The following TNFAIP1 variants were observed in gnomAD, a reference collection of about 807,000 sequenced individuals.
TNFAIP1 encodes BTB/POZ domain-containing adapter for CUL3-mediated RhoA degradation protein 2.
Under a neutral mutation model 32.6 loss-of-function variants are expected in TNFAIP1, and 20 were observed. That is an observed-to-expected ratio of 0.61 (90% CI 0.43 to 0.89). The LOEUF (loss-of-function observed/expected upper bound fraction) is 0.89. Ranked by LOEUF, TNFAIP1 falls within the 40% of genes least tolerant of loss-of-function variation. The pLI is 0.00. For missense variants in TNFAIP1, 319 were observed against 425.1 expected (o/e 0.75, Z 2.20); for synonymous variants, 166 against 166.8 (o/e 1.00, Z 0.04).
intron 1 of TNFAIP1, among the ~76,000 whole-genome samples, chr17:28,338,071 A>C (rs1233375499): frequency 6.6e-6 from 1 of 152,160 alleles, no homozygotes; most frequent in Non-Finnish European, 1.5e-5. Flanking sequence ...ATATTTTTTC[A>C]TTGTTCCCTA....
At chr17:28,337,619 C>T (rs1385759568) in intron 1 of TNFAIP1, among the ~76,000 whole-genome samples, 1 of 152,114 alleles carries the variant, frequency 6.6e-6, no homozygotes, top group African/African-American at 2.4e-5. Context: ...CCACCCACTT[C>T]GGCCTCCTAA....
rs560413584 is a variant in TNFAIP1 at position 28,342,733 on chromosome 17, G to A, written c.714+291G>A. Reference sequence around the variant, plus strand: ...TGGCCCAATTCAGGTTTGAACGCTGGCTCACACCACTTGCCAGTTTTCTGA... The same window carrying A: ...TGGCCCAATTCAGGTTTGAACGCTGACTCACACCACTTGCCAGTTTTCTGA... On this transcript the variant is annotated intron_variant, in intron 6 of 6. Transcript: ENST00000226225. This position sits in a 1 kb window ranked among gnomAD's most constrained non-coding sequence, Gnocchi z 4.0. Among the ~76,000 whole-genome samples the A allele has an allele frequency of 3.3e-5, 5 of 152,312 alleles. No homozygotes were observed. The East Asian group carries it at 9.6e-4, about 29-fold the overall frequency.
rs781887524 is a variant in TNFAIP1 at position 28,342,289 on chromosome 17, C to G, written c.561C>G (p.Asp187Glu). The change falls in exon 6 of 7, where the codon GAC (aspartate) becomes GAG (glutamate). Residue 187 changes from aspartate (D) to glutamate (E), a missense_variant. By Grantham distance (45) the Asp-to-Glu change is conservative. Coordinates refer to ENST00000226225, the MANE Select transcript of TNFAIP1 (RefSeq NM_021137.5). This position sits in a 1 kb window ranked among gnomAD's most constrained non-coding sequence, Gnocchi z 4.0. ...DHLLKNIELF[D>E]KLSLRFNGRV... ...TGCTGAAAAACATCGAGCTGTTTGA[C>G]AAGCTCTCCCTGCGCTTCAACGGCC... The G allele has an allele frequency of 6.3e-7, 1 of 1,590,774 alleles. No individual in the cohort carries two copies. Among genetic ancestry groups the G allele is most frequent in the Non-Finnish European group, 8.6e-7 (1 of 1,160,292 alleles).
chr17:28,343,524 C>T (rs1555578461), intron 6 of TNFAIP1, among the ~76,000 whole-genome samples: 2 of 102,236 alleles, frequency 2.0e-5, no homozygotes, highest in Non-Finnish European at 3.7e-5. Context: ...CTTCCTTCTG[C>T]GGTTTTTGGT....
chr17:28,339,434 C>T lies in TNFAIP1; in HGVS notation c.-88C>T. 3 of 1,314,004 alleles carry T rather than the reference C, an allele frequency of 2.3e-6. No individual in the cohort carries two copies. The South Asian group carries it at 4.5e-5, about 20-fold the overall frequency. 81.4% of individuals were successfully genotyped at this position (1,314,004 alleles called of 1,614,324 possible). A position where few individuals can be genotyped will look rare whatever the true frequency, so the allele number is the denominator to read the frequency against. On this transcript the variant is annotated 5_prime_UTR_variant, in exon 2 of 7. Coordinates refer to ENST00000226225, the MANE Select transcript of TNFAIP1 (RefSeq NM_021137.5). ...ACTGAGATTATGAGGCTCTGGCCTCCACTGGCCACTCACTCGTGACCCTTT... is the reference window on the plus strand; with the variant it reads ...ACTGAGATTATGAGGCTCTGGCCTCTACTGGCCACTCACTCGTGACCCTTT...
chr17:28,338,523 A>G (rs1907249784), intron 1 of TNFAIP1, among the ~76,000 whole-genome samples: 1 of 151,168 alleles, frequency 6.6e-6, no homozygotes, highest in Admixed American at 6.6e-5. Context: ...ACTGGCCGGC[A>G]CCCCCGACCC....
Position 28,342,322 on chromosome 17 carries a change from C to G in TNFAIP1, c.594C>G (p.Leu198=), listed in dbSNP as rs782236045. ...CCCTGCGCTTCAACGGCCGCGTGCT[C>G]TTCATCAAGGATGTCATTGGTGACG... ...KLSLRFNGRV[L]FIKDVIGDEI... Residue 198 remains leucine (L), a synonymous_variant, in exon 6 of 7, where the codon CTC becomes CTG. Coordinates refer to ENST00000226225, the MANE Select transcript of TNFAIP1 (RefSeq NM_021137.5). The surrounding 1 kb of genome is among the most constrained non-coding windows in gnomAD (Gnocchi z 4.0). 6.2e-7 allele frequency: 1 copy of G among 1,606,252 alleles called. No homozygotes were observed. Among genetic ancestry groups the G allele is most frequent in the South Asian group, 1.1e-5 (1 of 90,902 alleles).
chr17:28,342,282 T>G lies in TNFAIP1; in HGVS notation c.554T>G (p.Leu185Arg). 1 of 1,589,172 alleles carries G rather than the reference T, an allele frequency of 6.3e-7. No individual in the cohort carries two copies. Among genetic ancestry groups the G allele is most frequent in the Non-Finnish European group, 8.6e-7 (1 of 1,158,948 alleles). The stretch of plus-strand genomic sequence containing the variant: ...GACCACCTGCTGAAAAACATCGAGC[T>G]GTTTGACAAGCTCTCCCTGCGCTTC... ...SDDHLLKNIE[L>R]FDKLSLRFNG... Residue 185 changes from leucine (L) to arginine (R), a missense_variant, in exon 6 of 7, where the codon CTG becomes CGG. Transcript: ENST00000226225. This position sits in a 1 kb window ranked among gnomAD's most constrained non-coding sequence, Gnocchi z 4.0.
At chr17:28,338,669 T>C (rs967746337) in intron 1 of TNFAIP1, among the ~76,000 whole-genome samples, 1 of 151,928 alleles carries the variant, frequency 6.6e-6, no homozygotes, top group Non-Finnish European at 1.5e-5. Context: ...ATCCTGTCCC[T>C]CTGGCTCCTG....
intron 5 of TNFAIP1, 75 bp downstream of exon 5, chr17:28,341,531 C>A: frequency 6.5e-7 from 1 of 1,550,364 alleles, no homozygotes; most frequent in South Asian, 1.1e-5. Flanking sequence ...CCAGCACGGT[C>A]GGCGTGGGTC....
chr17:28,341,150 C>A, intron 3 of TNFAIP1, 87 bp from the exon 4 acceptor site: 1 of 1,407,504 alleles, frequency 7.1e-7, no homozygotes, highest in African/African-American at 1.4e-5. Context: ...CAGCGGGTGG[C>A]CATGGCAGAG....
Position 28,339,638 on chromosome 17 carries a change from C to T in TNFAIP1, c.117C>T (p.Tyr39=), listed in dbSNP as rs1907294532. The T allele has an allele frequency of 4.3e-6, 7 of 1,613,908 alleles. No homozygotes were observed. The highest frequency in any genetic ancestry group is 4.2e-6 in the Non-Finnish European group (5 of 1,180,000). The part of the protein sequence containing the change: ...YVQLNVGGSL[Y]YTTVRALTRH... Reference sequence around the variant, plus strand: ...AGCTCAACGTGGGCGGCTCTCTGTACTACACCACTGTGCGGGCCCTGACCC... The same window carrying T: ...AGCTCAACGTGGGCGGCTCTCTGTATTACACCACTGTGCGGGCCCTGACCC... The change falls in exon 2 of 7, where the codon TAC becomes TAT. Residue 39 remains tyrosine (Y), a synonymous_variant. Transcript: ENST00000226225.
At position 28,345,822 on chromosome 17, in the gene TNFAIP1, G is replaced by GGTAA. The variant is rs1280711469; in HGVS notation, c.*1223_*1226dup. On this transcript the variant is annotated 3_prime_UTR_variant, in exon 7 of 7. Coordinates refer to ENST00000226225, the MANE Select transcript of TNFAIP1 (RefSeq NM_021137.5). ...CCCTGAAGGCCTTCACTCCTTGTTG[G>GGTAA]GTAACTCAGCCATGGAGATGCCAAG... 1 of 152,218 alleles carries GGTAA rather than the reference G, an allele frequency of 6.6e-6. No homozygotes were observed. Among genetic ancestry groups the GGTAA allele is most frequent in the Non-Finnish European group, 1.5e-5 (1 of 68,044 alleles). 9.4% of individuals were successfully genotyped at this position (152,218 alleles called of 1,614,324 possible).
rs1029199833 is a variant in TNFAIP1 at position 28,342,072 on chromosome 17, C to T, written c.519-175C>T. ...CAACTGAGTTCCTTTTCCTCACAGG[C>T]CCCCCAACCCAGAGGGTACCCTATG... is the stretch of plus-strand genomic sequence containing the variant. On this transcript the variant is annotated intron_variant, in intron 5 of 6. Transcript: ENST00000226225. The surrounding 1 kb of genome is among the most constrained non-coding windows in gnomAD (Gnocchi z 4.0). Among the ~76,000 whole-genome samples the T allele has an allele frequency of 6.6e-6, 1 of 152,148 alleles. No individual in the cohort carries two copies. The highest frequency in any genetic ancestry group is 1.5e-5 in the Non-Finnish European group (1 of 68,016).
Position 28,341,095 on chromosome 17 carries a change from A to T in TNFAIP1, c.376-142A>T, listed in dbSNP as rs541151572. The T allele has an allele frequency of 3.2e-3, 2,682 of 846,584 alleles. 72 individuals are homozygous for T. The South Asian group carries it at 0.039, about 12-fold the overall frequency. 52.4% of individuals were successfully genotyped at this position (846,584 alleles called of 1,614,324 possible). A position where few individuals can be genotyped will look rare whatever the true frequency, so the allele number is the denominator to read the frequency against. On this transcript the variant is annotated intron_variant, in intron 3 of 6. Coordinates refer to ENST00000226225, the MANE Select transcript of TNFAIP1 (RefSeq NM_021137.5). ...GTCTGCTTTCCAGCTGGCAGTTTCT[A>T]TTGTCAGGGGCCTCATGATCTGTAT...
chr17:28,341,374 C>T, intron 4 of TNFAIP1, 30 bp from the exon 5 acceptor site: 1 of 1,613,972 alleles, frequency 6.2e-7, no homozygotes, highest in East Asian at 2.2e-5. Context: ...AGTCCCCTGG[C>T]CTGGCCCCTC....
At chr17:28,336,363 A>T (rs1303286568) in intron 1 of TNFAIP1, 1 of 152,150 alleles carries the variant, frequency 6.6e-6, no homozygotes, top group South Asian at 2.1e-4. Context: ...TGGAAACTTC[A>T]TTCTCACTGG....
intron 1 of TNFAIP1, chr17:28,336,398 C>G (rs997430677): frequency 6.6e-6 from 1 of 152,168 alleles, no homozygotes; most frequent in African/African-American, 2.4e-5. Context: ...GCGTCACCTG[C>G]CACAGAATTC....
chr17:28,336,505 C>G (rs1340864293), intron 1 of TNFAIP1: 1 of 152,218 alleles, frequency 6.6e-6, no homozygotes, highest in South Asian at 2.1e-4. Context: ...CTGGATCCGC[C>G]GACCTCTCTT....
Sources: gnomAD v4.1 joint callset for allele counts (sites outside exome capture counted in the v4.1 genomes callset) on GRCh38, gnomAD v4.1.1 for gene constraint, Gnocchi (gnomAD v3.1) non-coding constraint, MANE v1.5 for transcripts, NCBI Gene and HGNC (gene_info 2026-07-23, HGNC 2026-07-21) for gene names.